The following HAUS6 variants were observed in gnomAD, a reference collection of about 807,000 sequenced individuals.
HAUS6 encodes the protein HAUS augmin-like complex subunit 6.
HAUS6 carries 80 observed loss-of-function variants against 106.8 expected under a neutral mutation model. The observed-to-expected ratio is 0.75, with a 90% CI of 0.63 to 0.90. The LOEUF (loss-of-function observed/expected upper bound fraction) is 0.90, where lower values mean the gene tolerates loss of function less well. HAUS6 is among the 40% of genes least tolerant of loss of function. The pLI is 0.00. For synonymous variants in HAUS6, 356 were observed against 379.1 expected, an observed-to-expected ratio of 0.94 and a Z score of 0.71; for missense variants, 1,155 against 1,118.1, an observed-to-expected ratio of 1.03 and a Z score of -0.47.
rs1836458162 is a variant in HAUS6, at chr9:19,055,933, A to C, written c.*410T>G. ...AAGTTGTATAGTTCTCTAAGATGAAAGATTAGTATATTCAATGGCTATTAT... is the reference window on the plus strand; with the variant it reads ...AAGTTGTATAGTTCTCTAAGATGAACGATTAGTATATTCAATGGCTATTAT... On this transcript the variant is annotated 3_prime_UTR_variant, in exon 17 of 17. Transcript: ENST00000380502. 1 of 157,520 alleles carries C rather than the reference A, an allele frequency of 6.3e-6. No individual in the cohort carries two copies. The highest frequency in any genetic ancestry group is 2.4e-5 in the African/African-American group (1 of 41,660). 9.8% of individuals were successfully genotyped at this position (157,520 alleles called of 1,614,324 possible).
chr9:19,081,798 G>A (rs1249848802), intron 8 of HAUS6, among the ~76,000 whole-genome samples: 1 of 151,826 alleles, frequency 6.6e-6, no homozygotes, highest in East Asian at 1.9e-4. Flanking sequence ...AGGCACACTG[G>A]CTCACGCCTG....
chr9:19,095,045 G>C (rs1296351157), intron 2 of HAUS6, among the ~76,000 whole-genome samples: 1 of 151,796 alleles, frequency 6.6e-6, no homozygotes, highest in Non-Finnish European at 1.5e-5. Flanking sequence ...AGTAAATTAA[G>C]CCTGAAAAGA....
intron 11 of HAUS6, among the ~76,000 whole-genome samples, chr9:19,070,830 G>GTAT (rs940726081): frequency 6.6e-6 from 1 of 152,214 alleles, no homozygotes; most frequent in African/African-American, 2.4e-5. Flanking sequence ...TACTTCTACA[G>GTAT]TATTATGACA....
In HAUS6 at chr9:19,080,600, A is replaced by G; in HGVS notation, c.943T>C (p.Leu315=). The G allele has an allele frequency of 4.4e-6, 7 of 1,598,506 alleles. No homozygotes were observed. Among genetic ancestry groups the G allele is most frequent in the Non-Finnish European group, 6.0e-6 (7 of 1,166,290 alleles). ...LTVIQLLNEV[L]KVMKYERCQA... ...CAACGTTCATATTTCATCACCTTCAAGACTTCATTTAATAACTGAATAACT... is the reference window on the plus strand; with the variant it reads ...CAACGTTCATATTTCATCACCTTCAGGACTTCATTTAATAACTGAATAACT... The change falls in exon 9 of 17, where the codon TTG becomes CTG. Residue 315 remains leucine (L), a synonymous_variant. Coordinates refer to ENST00000380502, the MANE Select transcript of HAUS6 (RefSeq NM_017645.5).
chr9:19,076,554 A>C, intron 11 of HAUS6, 48 bp downstream of exon 11: 1 of 823,354 alleles, frequency 1.2e-6, no homozygotes, highest in Non-Finnish European at 2.1e-6. Context: ...ATGAAAAAGA[A>C]TGACAGGAAG....
In HAUS6 at chr9:19,082,988, C is replaced by A. The variant is rs1837196146; in HGVS notation, c.755G>T (p.Arg252Ile). ...NETLMFLEKE[R>I]EVVSSVLSLV... The stretch of plus-strand genomic sequence containing the variant: ...ACTAAGGACCGAACTAACAACTTCT[C>A]TCTCTTTTTCCAAAAACATGAGCGT... Residue 252 changes from arginine (R) to isoleucine (I), a missense_variant, in exon 8 of 17, where the codon AGA becomes ATA. By Grantham distance (97) the Arg-to-Ile change is moderately conservative (BLOSUM62 -3). This residue lies in a region of HAUS6 where 761 missense variants were observed against 690.0 expected (regional missense o/e 1.10). Transcript: ENST00000380502. 2 of 1,588,032 alleles carry A rather than the reference C, an allele frequency of 1.3e-6. No homozygotes were observed. Among genetic ancestry groups the A allele is most frequent in the East Asian group, 2.2e-5 (1 of 44,552 alleles).
At chr9:19,087,680 C>T (rs977933120) in intron 5 of HAUS6, among the ~76,000 whole-genome samples, 1 of 151,606 alleles carries the variant, frequency 6.6e-6, no homozygotes, top group Non-Finnish European at 1.5e-5. Flanking sequence ...AAAGCAAGAC[C>T]CTGTCTCTAC....
chr9:19,078,457 T>A (rs914405220), intron 9 of HAUS6, among the ~76,000 whole-genome samples, 155 bp from the exon 10 acceptor site: 7 of 152,086 alleles, frequency 4.6e-5, no homozygotes, highest in African/African-American at 1.7e-4. Context: ...CTCTCACAGG[T>A]GAATATTCAG....
At chr9:19,076,208 A>T (rs180949046) in intron 11 of HAUS6, among the ~76,000 whole-genome samples, 19,832 of 151,512 alleles carry the variant, frequency 0.13, 1,366 homozygotes, top group Admixed American at 0.17. Flanking sequence ...AAAAAAAAAA[A>T]ATATAAAAAT....
rs767326365 is a variant in HAUS6 at position 19,096,724 on chromosome 9, A to T, written c.174T>A (p.Ser58=). The T allele has an allele frequency of 6.4e-7, 1 of 1,568,998 alleles. No individual in the cohort carries two copies. Among genetic ancestry groups the T allele is most frequent in the East Asian group, 2.3e-5 (1 of 43,814 alleles). ...GGTCCAGAACTTGAAACAAAAAATA[A>T]GAAATTATATGAAAGGCATCACGGT... ...KLNRDAFHII[S]YFLFQVLDQS... The change falls in exon 2 of 17, where the codon TCT becomes TCA. Residue 58 remains serine (S), a synonymous_variant. Coordinates refer to ENST00000380502, the MANE Select transcript of HAUS6 (RefSeq NM_017645.5).
intron 14 of HAUS6, among the ~76,000 whole-genome samples, chr9:19,060,848 C>T (rs530794475): frequency 1.3e-5 from 2 of 152,184 alleles, no homozygotes; most frequent in Admixed American, 6.6e-5. Flanking sequence ...AAAAAATAAA[C>T]TTCTTGAAGC....
intron 2 of HAUS6, among the ~76,000 whole-genome samples, chr9:19,095,241 G>A (rs1817837434): frequency 6.6e-6 from 1 of 151,850 alleles, no homozygotes; most frequent in Admixed American, 6.6e-5. Context: ...AAAATATTAG[G>A]GTTTAAAATT....
intron 11 of HAUS6, among the ~76,000 whole-genome samples, chr9:19,070,894 A>C (rs986316792): frequency 1.3e-5 from 2 of 152,228 alleles, no homozygotes; most frequent in East Asian, 3.8e-4. Flanking sequence ...CCCAGACTGC[A>C]GAGTGGGAAG....
chr9:19,074,433 G>A (rs1395358689), intron 11 of HAUS6, among the ~76,000 whole-genome samples: 2 of 151,892 alleles, frequency 1.3e-5, no homozygotes, highest in African/African-American at 4.8e-5. Flanking sequence ...CACCAGGCCT[G>A]GCTAATTTTT....
Position 19,097,767 on chromosome 9 carries a change from TA to T in HAUS6, c.129-999del, listed in dbSNP as rs570246354. 4.1e-3 allele frequency among the ~76,000 whole-genome samples: 572 copies of T among 137,938 alleles called. 6 individuals are homozygous for T. The highest frequency in any genetic ancestry group is 0.035 in the South Asian group (155 of 4,428). The allele number at this position is 137,938 out of a possible 152,430, so 90.5% of individuals were successfully genotyped here. A position where few individuals can be genotyped will look rare whatever the true frequency, so the allele number is the denominator to read the frequency against. ...TACCCTAATTAATCAAAACAAAGCC[TA>T]AAAAAAAAAAAAGTGAAAACAAAAA... is the stretch of plus-strand genomic sequence containing the variant. On this transcript the variant is annotated intron_variant, in intron 1 of 16. Coordinates refer to ENST00000380502, the MANE Select transcript of HAUS6 (RefSeq NM_017645.5).
intron 11 of HAUS6, among the ~76,000 whole-genome samples, chr9:19,072,893 A>C (rs2131119377): frequency 6.6e-6 from 1 of 152,352 alleles, no homozygotes; most frequent in South Asian, 2.1e-4. Flanking sequence ...AAAGTTACTA[A>C]GAAAATAAAA....
At chr9:19,071,133 T>C (rs541391832) in intron 11 of HAUS6, among the ~76,000 whole-genome samples, 49 of 152,204 alleles carry the variant, frequency 3.2e-4, no homozygotes, top group African/African-American at 1.2e-3. Context: ...GATGACACCA[T>C]GAAAAACAGG....
At chr9:19,069,815 G>A (rs1836849761) in intron 12 of HAUS6, among the ~76,000 whole-genome samples, 1 of 152,066 alleles carries the variant, frequency 6.6e-6, no homozygotes, top group Non-Finnish European at 1.5e-5. Context: ...TCAAATTTGG[G>A]TCAGGCACAG....
Position 19,056,277 on chromosome 9 carries a change from T to C in HAUS6, c.*66A>G. ...TTCCAACATGTATTTAAGTTGTAAT[T>C]CATTTTCTATCCTGTGGCATAGCTT... On this transcript the variant is annotated 3_prime_UTR_variant, in exon 17 of 17. Transcript: ENST00000380502. 2.4e-6 allele frequency: 2 copies of C among 823,474 alleles called. No homozygotes were observed. The highest frequency in any genetic ancestry group is 3.0e-5 in the South Asian group (2 of 67,100). The allele number at this position is 823,474 out of a possible 1,614,324, so 51.0% of individuals were successfully genotyped here. A position where few individuals can be genotyped will look rare whatever the true frequency, so the allele number is the denominator to read the frequency against.
Sources: allele counts gnomAD v4.1 joint callset (sites outside exome capture counted in the v4.1 genomes callset), GRCh38; gene constraint gnomAD v4.1.1; regional missense constraint gnomAD v4.1.1; transcripts MANE v1.5; gene names NCBI Gene and HGNC (gene_info 2026-07-23, HGNC 2026-07-21).